Variants in SLC35D4 observed in about 807,000 individuals in gnomAD.
SLC35D4 encodes UDP-N-acetylglucosamine transporter SLC35D4.
At chr18:23,366,111 G>C in the SLC35D4 span, among the ~76,000 whole-genome samples, 1 of 152,172 alleles carries the variant, frequency 6.6e-6, no homozygotes, top group African/African-American at 2.4e-5. Context: ...ACATTTCCAA[G>C]AGGCTAGCCC....
chr18:23,259,782 G>C, the SLC35D4 span: 1 of 152,258 alleles, frequency 6.6e-6, no homozygotes, highest in Non-Finnish European at 1.5e-5. Flanking sequence ...TGTGAAGCGA[G>C]AAGGCCAGGC....
At chr18:23,362,699 G>A in the SLC35D4 span, among the ~76,000 whole-genome samples, 3 of 152,204 alleles carry the variant, frequency 2.0e-5, no homozygotes, top group African/African-American at 7.2e-5. Flanking sequence ...AAGTTAGAAA[G>A]AGGGTCAGGA....
At chr18:23,425,748 C>T in the SLC35D4 span, among the ~76,000 whole-genome samples, 6 of 152,206 alleles carry the variant, frequency 3.9e-5, no homozygotes, top group South Asian at 4.1e-4. Flanking sequence ...GTCCAACCGT[C>T]GTTAAGTTGG....
At chr18:23,356,550 GCGGACAGCA>G in the SLC35D4 span, 1 of 1,600,994 alleles carries the variant, frequency 6.2e-7, no homozygotes, top group Middle Eastern at 1.7e-4. This position sits in a 1 kb window ranked among gnomAD's most constrained non-coding sequence, Gnocchi z 4.1. Flanking sequence ...GGAAGACACA[GCGGACAGCA>G]CAGAAAGCAT....
chr18:23,359,523 C>T, the SLC35D4 span, among the ~76,000 whole-genome samples: 1 of 152,156 alleles, frequency 6.6e-6, no homozygotes, highest in East Asian at 1.9e-4. Flanking sequence ...TGAATCCCAT[C>T]TTTCTAAAGA....
At chr18:23,329,614 TA>T in the SLC35D4 span, among the ~76,000 whole-genome samples, 3 of 152,202 alleles carry the variant, frequency 2.0e-5, no homozygotes, top group African/African-American at 7.2e-5. Flanking sequence ...GGTGGGAGTG[TA>T]AATTAGTTCA....
chr18:23,283,471 C>CAAAAAAAAAAAAAAAAAAAAAAAAAA, the SLC35D4 span, among the ~76,000 whole-genome samples: 2 of 44,436 alleles, frequency 4.5e-5, no homozygotes, highest in African/African-American at 8.8e-5. Flanking sequence ...GACCCAGTCT[C>CAAAAAAAAAAAAAAAAAAAAAAAAAA]AAAAAAAAAA....
the SLC35D4 span, among the ~76,000 whole-genome samples, chr18:23,295,285 G>A: frequency 3.3e-5 from 5 of 151,850 alleles, no homozygotes; most frequent in Non-Finnish European, 5.9e-5. Context: ...TAGGTGACTG[G>A]TGGATAGGTG....
the SLC35D4 span, among the ~76,000 whole-genome samples, chr18:23,413,399 C>T: frequency 6.6e-6 from 1 of 152,210 alleles, no homozygotes; most frequent in Admixed American, 6.5e-5. Context: ...CCCAACACCA[C>T]AGTGTTTGAA....
the SLC35D4 span, among the ~76,000 whole-genome samples, chr18:23,349,105 CT>C: frequency 6.6e-6 from 1 of 152,124 alleles, no homozygotes; most frequent in African/African-American, 2.4e-5. Context: ...AGATTTTCTC[CT>C]TGTCTTTCAA....
the SLC35D4 span, chr18:23,298,009 A>G: frequency 6.2e-7 from 1 of 1,613,376 alleles, no homozygotes; most frequent in Non-Finnish European, 8.5e-7. Context: ...CGTCTTGTTC[A>G]GGAGCTCTTC....
the SLC35D4 span, among the ~76,000 whole-genome samples, chr18:23,345,611 T>G: frequency 6.6e-6 from 1 of 151,980 alleles, no homozygotes; most frequent in Non-Finnish European, 1.5e-5. Flanking sequence ...TCTAGCTTAG[T>G]ACTAAATTTT....
At chr18:23,349,332 T>C in the SLC35D4 span, among the ~76,000 whole-genome samples, 1 of 152,076 alleles carries the variant, frequency 6.6e-6, no homozygotes, top group Non-Finnish European at 1.5e-5. Flanking sequence ...TTCTTCAATT[T>C]AAAAAAAACC....
chr18:23,307,656 T>C, the SLC35D4 span, among the ~76,000 whole-genome samples: 1 of 152,248 alleles, frequency 6.6e-6, no homozygotes, highest in African/African-American at 2.4e-5. Context: ...TGGTCACAGC[T>C]GGGTCCTCTC....
the SLC35D4 span, among the ~76,000 whole-genome samples, chr18:23,321,819 T>G: frequency 6.6e-6 from 1 of 152,202 alleles, no homozygotes; most frequent in Admixed American, 6.5e-5. Context: ...ATTATGACAA[T>G]TTTAATTAGC....
chr18:23,370,091 A>C, the SLC35D4 span: 1 of 701,934 alleles, frequency 1.4e-6, no homozygotes, highest in Non-Finnish European at 2.3e-6. Flanking sequence ...AGGCAGGCGA[A>C]TCGCTTGAAC....
At chr18:23,257,559 A>G in the SLC35D4 span, 12 of 564,464 alleles carry the variant, frequency 2.1e-5, no homozygotes, top group African/African-American at 1.7e-4. Flanking sequence ...GCCATGAGCT[A>G]TGGACTCCTC....
At chr18:23,349,463 C>T in the SLC35D4 span, among the ~76,000 whole-genome samples, 4 of 152,168 alleles carry the variant, frequency 2.6e-5, no homozygotes, top group Non-Finnish European at 5.9e-5. Flanking sequence ...AACCCCGTCT[C>T]TGCTAAAAAT....
At chr18:23,436,175 C>CT in the SLC35D4 span, among the ~76,000 whole-genome samples, 1 of 151,848 alleles carries the variant, frequency 6.6e-6, no homozygotes, top group Non-Finnish European at 1.5e-5. Context: ...TTACAGGCGC[C>CT]TGCCACCACG....
Sources: gnomAD v4.1 joint callset for allele counts (sites outside exome capture counted in the v4.1 genomes callset) on GRCh38, gnomAD v4.1.1 for gene constraint, Gnocchi (gnomAD v3.1) non-coding constraint, MANE v1.5 for transcripts, NCBI Gene and HGNC (gene_info 2026-07-23, HGNC 2026-07-21) for gene names.